ESRRG: variants seen among roughly 807,000 people sequenced by gnomAD.
ESRRG encodes estrogen-related receptor gamma.
In ESRRG, 13 loss-of-function variants were observed where a neutral mutation model predicts 44.0. The observed-to-expected ratio is 0.30, with a 90% CI of 0.19 to 0.47. The LOEUF (loss-of-function observed/expected upper bound fraction) is 0.47. Among genes scored for constraint, ESRRG ranks in the 20% least tolerant of loss-of-function variants. The probability of loss-of-function intolerance (pLI) is 1.00; values close to 1 mark genes in which losing one functional copy is unlikely to be tolerated. For synonymous variants in ESRRG, 215 were observed against 214.6 expected (o/e 1.00, Z -0.02); for missense variants, 395 against 580.6 (o/e 0.68, Z 3.29).
At chr1:216,829,362 T>C (rs1390364369) in intron 2 of ESRRG, among the ~76,000 whole-genome samples, 6 of 152,064 alleles carry the variant, frequency 3.9e-5, no homozygotes, top group Non-Finnish European at 8.8e-5. Context: ...CCAGATACTG[T>C]GCAAGATTCT....
intron 5 of ESRRG, among the ~76,000 whole-genome samples, chr1:216,557,681 A>T (rs1158085196): frequency 6.6e-6 from 1 of 152,218 alleles, no homozygotes; most frequent in South Asian, 2.1e-4. Flanking sequence ...ATGAAAAAAA[A>T]TAAAGCTGAA....
chr1:216,829,549 G>GTTTTTTTTTTTTTTTTTTTT (rs66515526), intron 2 of ESRRG, among the ~76,000 whole-genome samples: 3 of 135,634 alleles, frequency 2.2e-5, no homozygotes. Context: ...AAATGCCACA[G>GTTTTTTTTTTTTTTTTTTTT]TTTTTTTTTT....
At chr1:216,711,267 G>A (rs1418832689) in intron 1 of ESRRG, among the ~76,000 whole-genome samples, 4 of 152,050 alleles carry the variant, frequency 2.6e-5, no homozygotes, top group Admixed American at 1.3e-4. Context: ...TACAACTCCT[G>A]GGGCACCTTT....
intron 1 of ESRRG, among the ~76,000 whole-genome samples, chr1:216,956,173 G>A (rs2067914784): frequency 6.6e-6 from 1 of 151,962 alleles, no homozygotes; most frequent in Non-Finnish European, 1.5e-5. Flanking sequence ...TATAGTTTCA[G>A]GTCTTCCAGT....
intron 2 of ESRRG, among the ~76,000 whole-genome samples, chr1:216,870,419 T>C (rs1442922145): frequency 1.3e-5 from 2 of 152,000 alleles, no homozygotes; most frequent in East Asian, 1.9e-4. Context: ...ATTATGGTCA[T>C]GAGAAATATT....
intron 2 of ESRRG, among the ~76,000 whole-genome samples, chr1:216,823,931 T>TATA (rs1400588912): frequency 1.3e-5 from 2 of 152,200 alleles, no homozygotes; most frequent in African/African-American, 2.4e-5. Context: ...CTGTTTTGTA[T>TATA]ATACCCTTCA....
intron 2 of ESRRG, among the ~76,000 whole-genome samples, chr1:216,787,666 G>A (rs1243075327): frequency 1.3e-5 from 2 of 149,972 alleles, no homozygotes; most frequent in South Asian, 2.1e-4. Flanking sequence ...AGGAAGAATT[G>A]CATGTCTTTC....
chr1:216,609,459 G>A (rs1328234689), intron 3 of ESRRG, among the ~76,000 whole-genome samples: 1 of 152,208 alleles, frequency 6.6e-6, no homozygotes, highest in Non-Finnish European at 1.5e-5. Flanking sequence ...TTGTTGCCAC[G>A]GCTTCTGCAG....
chr1:216,966,693 G>T (rs933275121), intron 1 of ESRRG, among the ~76,000 whole-genome samples: 1 of 151,998 alleles, frequency 6.6e-6, no homozygotes, highest in Admixed American at 6.6e-5. Flanking sequence ...AGGTCCCAGG[G>T]AACCTCAGTC....
intron 2 of ESRRG, among the ~76,000 whole-genome samples, chr1:216,828,856 C>A (rs1033756517): frequency 6.6e-6 from 1 of 152,092 alleles, no homozygotes; most frequent in African/African-American, 2.4e-5. Flanking sequence ...ACTTATCATC[C>A]TAGTCTGTGT....
At chr1:217,026,616 A>G (rs1056630197) in intron 1 of ESRRG, among the ~76,000 whole-genome samples, 1 of 152,114 alleles carries the variant, frequency 6.6e-6, no homozygotes, top group Admixed American at 6.5e-5. Context: ...TCTAATTTGG[A>G]GTACTATTAA....
At chr1:216,744,175 T>C (rs2091103412) in intron 2 of ESRRG, among the ~76,000 whole-genome samples, 1 of 152,156 alleles carries the variant, frequency 6.6e-6, no homozygotes, top group Non-Finnish European at 1.5e-5. Flanking sequence ...AAGAAATACA[T>C]TGTCCGTTAG....
At chr1:216,835,620 A>G (rs1410059283) in intron 2 of ESRRG, among the ~76,000 whole-genome samples, 1 of 152,226 alleles carries the variant, frequency 6.6e-6, no homozygotes, top group East Asian at 1.9e-4. Context: ...AAAGGTTGGC[A>G]TCAGTTTTGG....
chr1:217,133,643 C>T (rs981085545), intron 1 of ESRRG, among the ~76,000 whole-genome samples: 185 of 52,656 alleles, frequency 3.5e-3, no homozygotes, highest in African/African-American at 0.012. Flanking sequence ...CTCTCTCTCT[C>T]TCTCTTTCTT....
intron 1 of ESRRG, among the ~76,000 whole-genome samples, chr1:217,056,070 A>G (rs930187497): frequency 2.6e-5 from 4 of 152,122 alleles, no homozygotes; most frequent in African/African-American, 9.7e-5. Context: ...ATTATATTTA[A>G]CATTTCTGGT....
In ESRRG at chr1:216,503,873, C is replaced by T. The variant is rs1230053751; in HGVS notation, c.*3066G>A. On this transcript the variant is annotated 3_prime_UTR_variant, in exon 7 of 7. Transcript: ENST00000408911. ...CAAAATTAAAATTAAAATCATATGG[C>T]TAAAACATACACCTTTATAACTTTC... 1.3e-5 allele frequency: 2 copies of T among 152,430 alleles called. No homozygotes were observed. Among genetic ancestry groups the T allele is most frequent in the African/African-American group, 4.8e-5 (2 of 41,402 alleles). The allele number at this position is 152,430 out of a possible 1,614,324, so 9.4% of individuals were successfully genotyped here.
intron 2 of ESRRG, among the ~76,000 whole-genome samples, chr1:216,777,630 G>C (rs1030354032): frequency 6.6e-6 from 1 of 152,046 alleles, no homozygotes; most frequent in Non-Finnish European, 1.5e-5. Context: ...ATACTCAGGG[G>C]AACTCAGTTT....
At chr1:216,535,495 T>G (rs990808353) in intron 5 of ESRRG, among the ~76,000 whole-genome samples, 1 of 152,100 alleles carries the variant, frequency 6.6e-6, no homozygotes, top group Non-Finnish European at 1.5e-5. Context: ...ATGAAGGACA[T>G]CAGATATAAA....
intron 5 of ESRRG, among the ~76,000 whole-genome samples, chr1:216,538,023 C>T (rs112625492): frequency 0.046 from 7,011 of 152,084 alleles, 498 homozygotes; most frequent in African/African-American, 0.15. Flanking sequence ...CAGGCAAATA[C>T]CTCTTAAACA....
Sources: allele counts gnomAD v4.1 joint callset (sites outside exome capture counted in the v4.1 genomes callset), GRCh38; gene constraint gnomAD v4.1.1; transcripts MANE v1.5; gene names NCBI Gene and HGNC (gene_info 2026-07-23, HGNC 2026-07-21).